RPL7A: variants seen among roughly 807,000 people sequenced by gnomAD.
The protein encoded by RPL7A is ribosomal protein L7a.
For synonymous variants in RPL7A, 158 were observed against 128.2 expected (o/e 1.23, Z -1.57); for missense variants, 291 against 338.2 (o/e 0.86, Z 1.09).
intron 5 of RPL7A, 104 bp from the exon 6 acceptor site, chr9:133,350,493 A>G: frequency 6.3e-7 from 1 of 1,584,390 alleles, no homozygotes; most frequent in Non-Finnish European, 8.7e-7. Context: ...TTCAACCTTG[A>G]AGTGCGAATC....
At chr9:133,349,208 G>T (rs1267722873) in intron 2 of RPL7A, among the ~76,000 whole-genome samples, 166 bp downstream of exon 2, 1 of 152,148 alleles carries the variant, frequency 6.6e-6, no homozygotes, top group Non-Finnish European at 1.5e-5. Context: ...TGCTTTCATT[G>T]GGAGTTGCTG....
intron 7 of RPL7A, 71 bp downstream of exon 7, chr9:133,351,142 CTA>C: frequency 6.4e-7 from 1 of 1,565,342 alleles, no homozygotes; most frequent in Non-Finnish European, 8.8e-7. Context: ...CTGGCTTAAC[CTA>C]TGAGAAGTTC....
At position 133,350,416 on chromosome 9, in the gene RPL7A, T is replaced by C. The variant is rs2129993421; in HGVS notation, c.495+97T>C. 18 of 1,506,506 alleles carry C rather than the reference T, an allele frequency of 1.2e-5. No homozygotes were observed. In the South Asian group the frequency reaches 2.0e-4, roughly 17 times the overall value. The allele number at this position is 1,506,506 out of a possible 1,614,324, so 93.3% of individuals were successfully genotyped here. A position where few individuals can be genotyped will look rare whatever the true frequency, so the allele number is the denominator to read the frequency against. On this transcript the variant is annotated intron_variant, in intron 5 of 7. Coordinates refer to ENST00000323345, the MANE Select transcript of RPL7A (RefSeq NM_000972.3). ...AAGTCAGTGATGGGACCGAAGTGGG[T>C]GAGGGCAGTACTGACACAGATCCAA...
chr9:133,348,769 A>C (rs1328207153), intron 1 of RPL7A, 153 bp from the exon 2 acceptor site: 19 of 1,121,274 alleles, frequency 1.7e-5, no homozygotes, highest in Non-Finnish European at 2.6e-5. Context: ...GCTCCTGTCG[A>C]GGGGTGGTGC....
chr9:133,348,688 T>C lies in RPL7A; in HGVS notation c.4-234T>C, dbSNP rs184342535. 1.3e-4 allele frequency: 94 copies of C among 717,550 alleles called. No individual in the cohort carries two copies. The Admixed American group carries it at 1.8e-3, about 14-fold the overall frequency. 44.4% of individuals were successfully genotyped at this position (717,550 alleles called of 1,614,324 possible). A position where few individuals can be genotyped will look rare whatever the true frequency, so the allele number is the denominator to read the frequency against. On this transcript the variant is annotated intron_variant, in intron 1 of 7. Transcript: ENST00000323345. ...GGTGGGCGACGCGAAGAGAGCGTGG[T>C]CTCGGGCTTAGCCTTGCTCTGGCCA...
intron 3 of RPL7A, 25 bp from the exon 4 acceptor site, chr9:133,349,887 C>G (rs2129989362): frequency 1.2e-6 from 2 of 1,609,918 alleles, no homozygotes; most frequent in South Asian, 2.2e-5. Flanking sequence ...TGACTCCAAG[C>G]CTAAACTGAA....
intron 6 of RPL7A, 92 bp downstream of exon 6, chr9:133,350,819 G>T (rs1836378059): frequency 6.3e-7 from 1 of 1,582,814 alleles, no homozygotes; most frequent in Non-Finnish European, 8.7e-7. Context: ...CAATCTTTTA[G>T]TTTAAGAAAT....
rs1044931973 is a variant in RPL7A at position 133,350,639 on chromosome 9, C to T, written c.538C>T (p.Pro180Ser). Residue 180 changes from proline (P) to serine (S), a missense_variant, in exon 6 of 8, where the codon CCT becomes TCT. By Grantham distance (74) the Pro-to-Ser change is moderately conservative. Transcript: ENST00000323345. ...LPALCRKMGV[P>S]YCIIKGKARL... ...TGCCCTGTGTCGTAAAATGGGGGTC[C>T]CTTACTGCATTATCAAGGGAAAGGC... 6.2e-7 allele frequency: 1 copy of T among 1,613,994 alleles called. No individual in the cohort carries two copies. The highest frequency in any genetic ancestry group is 8.5e-7 in the Non-Finnish European group (1 of 1,179,958).
intron 7 of RPL7A, 24 bp from the exon 8 acceptor site, chr9:133,351,238 A>G: frequency 6.2e-7 from 1 of 1,602,560 alleles, no homozygotes; most frequent in Non-Finnish European, 8.6e-7. Flanking sequence ...AAGCCAAGCT[A>G]ACTGCCTCTT....
Position 133,348,979 on chromosome 9 carries a change from A to C in RPL7A, c.61A>C (p.Lys21Gln), listed in dbSNP as rs2129982533. 46 of 1,613,920 alleles carry C rather than the reference A, an allele frequency of 2.9e-5. No homozygotes were observed. The highest frequency in any genetic ancestry group is 1.2e-4 in the Admixed American group (7 of 60,012). ...GGCTCCGGCCCCAGCTGTCGTGAAG[A>C]AGCAGGAGGCTAAGAAAGTGGTGAA... ...KVAPAPAVVKKQEAKKVVNPL... is the reference protein window; with the variant it reads ...KVAPAPAVVKQQEAKKVVNPL... The change falls in exon 2 of 8, where the codon AAG (lysine) becomes CAG (glutamine). Residue 21 changes from lysine (K) to glutamine (Q), a missense_variant. By Grantham distance (53) the Lys-to-Gln change is moderately conservative. Transcript: ENST00000323345.
At chr9:133,350,519 C>T in intron 5 of RPL7A, 78 bp from the exon 6 acceptor site, 2 of 1,607,858 alleles carry the variant, frequency 1.2e-6, no homozygotes, top group African/African-American at 1.3e-5. Flanking sequence ...GCTTTTTAAC[C>T]CTGAGCAATT....
chr9:133,349,509 A>T (rs2129986839), intron 2 of RPL7A, 42 bp from the exon 3 acceptor site: 2 of 1,613,954 alleles, frequency 1.2e-6, no homozygotes, highest in South Asian at 2.2e-5. Context: ...TGAACTTGAC[A>T]TGGAATTTGA....
chr9:133,348,788 T>TGCAGAAAGCTGCTCGCCA, intron 1 of RPL7A, 134 bp from the exon 2 acceptor site: 1 of 1,355,552 alleles, frequency 7.4e-7, no homozygotes. Flanking sequence ...GCTGGGGGGT[T>TGCAGAAAGCTGCTCGCCA]GCAGAAAGCT....
chr9:133,348,320 G>A (rs2129977983), intron 1 of RPL7A, 74 bp downstream of exon 1: 796 of 1,588,794 alleles, frequency 5.0e-4, no homozygotes, highest in Non-Finnish European at 5.6e-4. Context: ...TCCAGGCGCG[G>A]CCTCGGAGGG....
chr9:133,349,451 C>G, intron 2 of RPL7A, 100 bp from the exon 3 acceptor site: 1 of 1,421,320 alleles, frequency 7.0e-7, no homozygotes, highest in Non-Finnish European at 1.0e-6. Flanking sequence ...ACATTTTAAA[C>G]CACCAAGATC....
At position 133,349,602 on chromosome 9, in the gene RPL7A, G is replaced by A. The variant is rs2129987393; in HGVS notation, c.176G>A (p.Arg59His). ...CTCACCCGCTTTGTGAAATGGCCCC[G>A]CTATATCAGGTTGCAGCGGCAGAGA... ...RDLTRFVKWP[R>H]YIRLQRQRAI... Residue 59 changes from arginine (R) to histidine (H), a missense_variant, in exon 3 of 8, where the codon CGC (arginine) becomes CAC (histidine). Coordinates refer to ENST00000323345, the MANE Select transcript of RPL7A (RefSeq NM_000972.3). The A allele has an allele frequency of 3.1e-6, 5 of 1,614,030 alleles. No homozygotes were observed. The highest frequency in any genetic ancestry group is 2.2e-5 in the South Asian group (2 of 91,082).
chr9:133,348,363 AC>A (rs1360504204), intron 1 of RPL7A, 117 bp downstream of exon 1: 1 of 1,421,806 alleles, frequency 7.0e-7, no homozygotes, highest in Non-Finnish European at 9.9e-7. Context: ...GGAGAGCCCC[AC>A]TCGGTGTGGC....
chr9:133,351,373 ACT>A lies in RPL7A; in HGVS notation c.*8_*9del, dbSNP rs1260756976. 18 of 1,565,976 alleles carry A rather than the reference ACT, an allele frequency of 1.1e-5. No individual in the cohort carries two copies. Among genetic ancestry groups the A allele is most frequent in the Admixed American group, 6.7e-5 (4 of 59,742 alleles). ...TGCCACTAAACTGGGTTAAATGTAC[ACT>A]GTTGAGTTTTCTGTACATAAAAATA... On this transcript the variant is annotated 3_prime_UTR_variant, in exon 8 of 8. Transcript: ENST00000323345.
rs1836390975 is a variant in RPL7A at position 133,351,243 on chromosome 9, CCT to C, written c.697-16_697-15del. 2 of 1,607,892 alleles carry C rather than the reference CCT, an allele frequency of 1.2e-6. No homozygotes were observed. The highest frequency in any genetic ancestry group is 1.6e-4 in the Middle Eastern group (1 of 6,064). The stretch of plus-strand genomic sequence containing the variant: ...AGAAAACAGTAAGCCAAGCTAACTG[CCT>C]CTTTTTGTCTTTTCAGATCCGCCGT... On this transcript the variant is annotated splice_polypyrimidine_tract_variant and intron_variant, in intron 7 of 7. Transcript: ENST00000323345.
Sources: gnomAD v4.1 joint callset for allele counts (sites outside exome capture counted in the v4.1 genomes callset) on GRCh38, gnomAD v4.1.1 for gene constraint, MANE v1.5 for transcripts, NCBI Gene and HGNC (gene_info 2026-07-23, HGNC 2026-07-21) for gene names.